KCNIP4: variants seen among roughly 807,000 people sequenced by gnomAD.
KCNIP4 encodes Kv channel-interacting protein 4.
KCNIP4 carries 12 observed loss-of-function variants against 34.0 expected under a neutral mutation model. The ratio of observed to expected loss-of-function variants is 0.35; its 90% CI spans 0.23 to 0.57. The LOEUF (loss-of-function observed/expected upper bound fraction) is 0.57, where lower values mean the gene tolerates loss of function less well. KCNIP4 is among the 20% of genes least tolerant of loss of function. The probability of loss-of-function intolerance (pLI) is 0.83; values close to 1 mark genes in which losing one functional copy is unlikely to be tolerated. For missense variants in KCNIP4, 238 were observed against 311.7 expected, an observed-to-expected ratio of 0.76 and a Z score of 1.78; for synonymous variants, 124 against 102.2, an observed-to-expected ratio of 1.21 and a Z score of -1.29.
intron 1 of KCNIP4, among the ~76,000 whole-genome samples, chr4:20,919,807 G>A (rs1729214811): frequency 6.6e-6 from 1 of 151,560 alleles, no homozygotes; most frequent in South Asian, 2.1e-4. Flanking sequence ...CTCAATAAAT[G>A]TATTTCTTTA....
rs142375221 is a variant in KCNIP4 at position 21,496,890 on chromosome 4, C to T, written c.61+451681G>A. ...AACAGTTTCATCCCCAAACCATCCCCGCCCTGCTCTGTCTGTGCAAAAATT... is the reference window on the plus strand; with the variant it reads ...AACAGTTTCATCCCCAAACCATCCCTGCCCTGCTCTGTCTGTGCAAAAATT... On this transcript the variant is annotated intron_variant, in intron 1 of 8. Transcript: ENST00000382152. Among the ~76,000 whole-genome samples the T allele has an allele frequency of 2.5e-3, 386 of 152,314 alleles. 13 individuals carry two copies. In the South Asian group the frequency reaches 0.045, roughly 18 times the overall value.
chr4:21,311,013 C>T (rs1266534435), intron 1 of KCNIP4, among the ~76,000 whole-genome samples: 1 of 152,192 alleles, frequency 6.6e-6, no homozygotes, highest in African/African-American at 2.4e-5. Flanking sequence ...TAAGAGTATG[C>T]TTGGGTTTAA....
At chr4:21,253,090 A>G (rs1760830915) in intron 1 of KCNIP4, among the ~76,000 whole-genome samples, 1 of 152,224 alleles carries the variant, frequency 6.6e-6, no homozygotes, top group African/African-American at 2.4e-5. Flanking sequence ...TTTCTGTGAC[A>G]TCAATGAGTG....
At chr4:21,463,090 A>C (rs910723119) in intron 1 of KCNIP4, among the ~76,000 whole-genome samples, 6 of 152,024 alleles carry the variant, frequency 3.9e-5, no homozygotes, top group Non-Finnish European at 5.9e-5. Flanking sequence ...AGAAATCTCC[A>C]TATTGTTTTT....
intron 1 of KCNIP4, among the ~76,000 whole-genome samples, chr4:21,225,242 A>T (rs1169545437): frequency 6.6e-6 from 1 of 152,126 alleles, no homozygotes; most frequent in Non-Finnish European, 1.5e-5. Context: ...TCAGGTTTTC[A>T]TATTAGTGTC....
chr4:21,466,358 C>T (rs1729938963), intron 1 of KCNIP4, among the ~76,000 whole-genome samples: 2 of 152,132 alleles, frequency 1.3e-5, no homozygotes, highest in African/African-American at 4.8e-5. Context: ...AAGATGGCCC[C>T]CTAATCTAGG....
At chr4:21,802,687 T>C (rs1444926351) in intron 1 of KCNIP4, among the ~76,000 whole-genome samples, 1 of 152,142 alleles carries the variant, frequency 6.6e-6, no homozygotes, top group African/African-American at 2.4e-5. Flanking sequence ...TCTCTGAACA[T>C]GCTTTTGAAG....
rs561578192 is a variant in KCNIP4, at chr4:21,918,843, T to C, written c.61+29728A>G. Among the ~76,000 whole-genome samples, 111 of 152,258 alleles carry C rather than the reference T, an allele frequency of 7.3e-4. 1 individual carries two copies. In the Middle Eastern group the frequency reaches 0.01, roughly 14 times the overall value. Reference sequence around the variant, plus strand: ...TATTAAGTATGTGAGGAAAACGTTTTGCCAAGGAAACCCAAAATCTAGCCA... The same window carrying C: ...TATTAAGTATGTGAGGAAAACGTTTCGCCAAGGAAACCCAAAATCTAGCCA... On this transcript the variant is annotated intron_variant, in intron 1 of 8. Coordinates refer to ENST00000382152, the MANE Select transcript of KCNIP4 (RefSeq NM_025221.6).
chr4:21,200,263 AG>A lies in KCNIP4; in HGVS notation c.62-317555del, dbSNP rs1424625860. On this transcript the variant is annotated intron_variant, in intron 1 of 8. Transcript: ENST00000382152. ...TGCAAAGATAAGGAATCAACTGATG[AG>A]TGGATAAAGAAAATGTGATGTGTGT... Among the ~76,000 whole-genome samples the A allele has an allele frequency of 5.3e-5, 8 of 151,052 alleles. No homozygotes were observed. The Admixed American group carries it at 5.3e-4, about 10-fold the overall frequency.
In KCNIP4 at chr4:21,101,929, T is replaced by C. The variant is rs112972951; in HGVS notation, c.62-219220A>G. Among the ~76,000 whole-genome samples, 129 of 152,198 alleles carry C rather than the reference T, an allele frequency of 8.5e-4. 1 individual carries two copies. Among genetic ancestry groups the C allele is most frequent in the African/African-American group, 2.9e-3 (122 of 41,548 alleles). ...TAGCTCCTTTTTTTGAGATGTTTCA[T>C]GGGAGAAAATGTATAGAAAGCTAAG... On this transcript the variant is annotated intron_variant, in intron 1 of 8. Transcript: ENST00000382152.
chr4:21,707,165 T>C (rs114147137), intron 1 of KCNIP4, among the ~76,000 whole-genome samples: 2,583 of 152,262 alleles, frequency 0.017, 69 homozygotes, highest in African/African-American at 0.051. Context: ...TTAGGTAATG[T>C]CTAAATGATG....
At chr4:21,553,381 G>C (rs1446711432) in intron 1 of KCNIP4, among the ~76,000 whole-genome samples, 1 of 152,242 alleles carries the variant, frequency 6.6e-6, no homozygotes, top group East Asian at 1.9e-4. Flanking sequence ...AATACCGGCT[G>C]TAATAATTGC....
intron 3 of KCNIP4, among the ~76,000 whole-genome samples, chr4:20,771,048 G>A (rs1755830671): frequency 6.6e-6 from 1 of 152,138 alleles, no homozygotes; most frequent in Admixed American, 6.5e-5. Context: ...TAAAGTACAT[G>A]GGAGGATGTA....
intron 4 of KCNIP4, chr4:20,752,574 T>C (rs1753845745): frequency 6.6e-6 from 1 of 152,190 alleles, no homozygotes; most frequent in African/African-American, 2.4e-5. Context: ...GGATTTCTGT[T>C]GTGTGTCTAG....
intron 1 of KCNIP4, among the ~76,000 whole-genome samples, chr4:21,886,953 TCAAA>T (rs1430222884): frequency 1.3e-5 from 2 of 152,158 alleles, no homozygotes; most frequent in East Asian, 3.9e-4. Context: ...CTGGATGAAA[TCAAA>T]CAGTCAGGAA....
intron 1 of KCNIP4, among the ~76,000 whole-genome samples, chr4:21,028,943 C>T (rs1257302995): frequency 6.6e-6 from 1 of 152,112 alleles, no homozygotes. Context: ...AAAGTATTTC[C>T]ATAGTAACCA....
chr4:21,813,577 TA>T (rs1721792720), intron 1 of KCNIP4, among the ~76,000 whole-genome samples: 1 of 152,052 alleles, frequency 6.6e-6, no homozygotes, highest in Non-Finnish European at 1.5e-5. Context: ...GTACTCATGA[TA>T]AATGAGTACA....
chr4:20,971,969 A>T (rs1322823381), intron 1 of KCNIP4, among the ~76,000 whole-genome samples: 1 of 152,230 alleles, frequency 6.6e-6, no homozygotes, highest in Non-Finnish European at 1.5e-5. Context: ...CCTCTTCACC[A>T]GGAGTCAATT....
chr4:20,970,324 G>T (rs1734807652), intron 1 of KCNIP4, among the ~76,000 whole-genome samples: 1 of 152,188 alleles, frequency 6.6e-6, no homozygotes, highest in African/African-American at 2.4e-5. Flanking sequence ...CTCAATGATT[G>T]TTTATTACCT....
Sources: allele counts gnomAD v4.1 joint callset (sites outside exome capture counted in the v4.1 genomes callset), GRCh38; gene constraint gnomAD v4.1.1; transcripts MANE v1.5; gene names NCBI Gene and HGNC (gene_info 2026-07-23, HGNC 2026-07-21).